Variants in DNAH9 observed in about 807,000 individuals in gnomAD.
DNAH9 encodes dynein axonemal heavy chain 9, also known as DNAH9 variant protein.
Under a neutral mutation model 471.6 loss-of-function variants are expected in DNAH9, and 345 were observed. The ratio of observed to expected loss-of-function variants is 0.73; its 90% confidence interval spans 0.67 to 0.80. DNAH9 has a LOEUF of 0.80. Among genes scored for constraint, DNAH9 ranks in the 30% least tolerant of loss-of-function variants. DNAH9 has a pLI of 0.00. For missense variants in DNAH9, 5,407 were observed against 5,609.2 expected (o/e 0.96, Z 1.15); for synonymous variants, 2,093 against 2,123.6 (o/e 0.99, Z 0.40).
chr17:11,865,746 C>T (rs1316694541), intron 50 of DNAH9, among the ~76,000 whole-genome samples: 2 of 152,112 alleles, frequency 1.3e-5, no homozygotes, highest in East Asian at 3.9e-4. Context: ...TCTAAACTTC[C>T]GTTCTCACTT....
chr17:11,932,188 C>A lies in DNAH9; in HGVS notation c.12280C>A (p.Leu4094Met). ...CTCTGTGAATGTCCTCTACAACTTC[C>A]TGGAGGCCAACGCAAAGGTAAAGGC... ...TISVNVLYNF[L>M]EANAKVPYDD... Residue 4094 changes from leucine (L) to methionine (M), a missense_variant, in exon 64 of 69, where the codon CTG becomes ATG. This residue lies in a region of DNAH9 where 4,636 missense variants were observed against 4,900.3 expected (regional missense o/e 0.95). Coordinates refer to ENST00000262442, the MANE Select transcript of DNAH9 (RefSeq NM_001372.4). This position sits in a 1 kb window ranked among gnomAD's most constrained non-coding sequence, Gnocchi z 4.3. The A allele has an allele frequency of 6.2e-7, 1 of 1,613,998 alleles. No individual in the cohort carries two copies. The highest frequency in any genetic ancestry group is 8.5e-7 in the Non-Finnish European group (1 of 1,179,966).
intron 6 of DNAH9, among the ~76,000 whole-genome samples, chr17:11,620,471 C>A (rs11655265): frequency 1.8e-4 from 25 of 137,018 alleles, no homozygotes; most frequent in Non-Finnish European, 3.3e-4. Context: ...ACGATCACAC[C>A]ATTGCACTCC....
At chr17:11,940,043 G>A (rs141500565) in intron 66 of DNAH9, among the ~76,000 whole-genome samples, 1 of 152,260 alleles carries the variant, frequency 6.6e-6, no homozygotes, top group African/African-American at 2.4e-5. Flanking sequence ...CCCACAGGGG[G>A]AAGAGTTAAG....
At position 11,932,725 on chromosome 17, in the gene DNAH9, C is replaced by T. The variant is rs1951855835; in HGVS notation, c.12297+520C>T. On this transcript the variant is annotated intron_variant, in intron 64 of 68. Transcript: ENST00000262442. This position sits in a 1 kb window ranked among gnomAD's most constrained non-coding sequence, Gnocchi z 4.3. ...AACTGTGAGGTGAGAGCCATGGACG[C>T]TCAGGAAGTCTAACTAGAGACTCAC... 1.3e-5 allele frequency among the ~76,000 whole-genome samples: 2 copies of T among 152,134 alleles called. No individual in the cohort carries two copies. Among genetic ancestry groups the T allele is most frequent in the South Asian group, 4.1e-4 (2 of 4,830 alleles).
intron 50 of DNAH9, among the ~76,000 whole-genome samples, chr17:11,862,006 G>A (rs1057039311): frequency 3.3e-5 from 5 of 150,856 alleles, no homozygotes; most frequent in Admixed American, 1.3e-4. Context: ...CTTTTGCTGT[G>A]CAGAAGCTCT....
At chr17:11,701,085 T>C (rs1216881100) in intron 23 of DNAH9, 37 bp from the exon 24 acceptor site, 1 of 1,613,074 alleles carries the variant, frequency 6.2e-7, no homozygotes, top group Non-Finnish European at 8.5e-7. Flanking sequence ...CCAAAACTTC[T>C]CAGGCACCCA....
intron 43 of DNAH9, 51 bp downstream of exon 43, chr17:11,797,844 G>T: frequency 1.9e-6 from 3 of 1,563,584 alleles, no homozygotes; most frequent in Non-Finnish European, 2.6e-6. Flanking sequence ...TCTTCCCAAT[G>T]ACAGGGGTCT....
chr17:11,942,729 T>C (rs1974969999), intron 67 of DNAH9, among the ~76,000 whole-genome samples: 2 of 152,274 alleles, frequency 1.3e-5, no homozygotes, highest in South Asian at 2.1e-4. Context: ...CAATTTCTAC[T>C]ACCAGTTACT....
intron 52 of DNAH9, 149 bp downstream of exon 52, chr17:11,871,935 G>C (rs1345152631): frequency 1.2e-6 from 1 of 837,738 alleles, no homozygotes; most frequent in Non-Finnish European, 1.8e-6. Flanking sequence ...GCGTACCCGT[G>C]TCCTTCCACA....
chr17:11,744,719 T>C, intron 30 of DNAH9, 78 bp from the exon 31 acceptor site: 1 of 1,235,392 alleles, frequency 8.1e-7, no homozygotes, highest in Non-Finnish European at 1.2e-6. Flanking sequence ...GCTCATAGCA[T>C]ATCTATGATT....
chr17:11,692,739 C>T (rs1325198043), intron 20 of DNAH9, among the ~76,000 whole-genome samples: 1 of 151,746 alleles, frequency 6.6e-6, no homozygotes, highest in East Asian at 1.9e-4. Flanking sequence ...GGTCAGATGA[C>T]ATGTGATATC....
At chr17:11,605,291 C>T (rs368719345) in intron 1 of DNAH9, among the ~76,000 whole-genome samples, 18 of 152,284 alleles carry the variant, frequency 1.2e-4, no homozygotes, top group African/African-American at 4.3e-4. Flanking sequence ...CCTTCACATG[C>T]TTTATCTTTA....
At chr17:11,716,334 G>A (rs1010595310) in intron 26 of DNAH9, among the ~76,000 whole-genome samples, 3 of 152,012 alleles carry the variant, frequency 2.0e-5, no homozygotes, top group Non-Finnish European at 4.4e-5. Context: ...CCCTGCCTCG[G>A]CCTCCCAAAG....
chr17:11,860,194 TAC>T (rs1162517922), intron 50 of DNAH9, among the ~76,000 whole-genome samples: 4 of 152,226 alleles, frequency 2.6e-5, no homozygotes, highest in Admixed American at 6.5e-5. Context: ...TCTCTTGTTT[TAC>T]ACAGTCTCTT....
chr17:11,796,855 C>T lies in DNAH9; in HGVS notation c.8224-742C>T, dbSNP rs573363773. On this transcript the variant is annotated intron_variant, in intron 42 of 68. Coordinates refer to ENST00000262442, the MANE Select transcript of DNAH9 (RefSeq NM_001372.4). ...ATGAAAGTTAAAAAATTGGTCTTCT[C>T]TTCAGTACTTAGAGATATATTGGTG... Among the ~76,000 whole-genome samples, 8 of 152,294 alleles carry T rather than the reference C, an allele frequency of 5.3e-5. 1 individual carries two copies. The highest frequency in any genetic ancestry group is 2.1e-4 in the South Asian group (1 of 4,834).
At chr17:11,600,235 G>T (rs1025151383) in intron 1 of DNAH9, among the ~76,000 whole-genome samples, 2 of 152,208 alleles carry the variant, frequency 1.3e-5, no homozygotes, top group African/African-American at 2.4e-5. Context: ...GAATGTTGAC[G>T]ATAGAAAGTA....
chr17:11,691,891 C>A (rs1371492120), intron 20 of DNAH9, among the ~76,000 whole-genome samples: 1 of 152,094 alleles, frequency 6.6e-6, no homozygotes, highest in Non-Finnish European at 1.5e-5. Flanking sequence ...GCAACCTCTG[C>A]CTCCTGGGTT....
chr17:11,852,624 A>T (rs796162802), intron 49 of DNAH9, among the ~76,000 whole-genome samples: 2 of 151,906 alleles, frequency 1.3e-5, no homozygotes, highest in African/African-American at 4.8e-5. Flanking sequence ...CCACAACAGG[A>T]AACACATTCA....
chr17:11,941,603 G>GTTTA (rs1445552849), intron 66 of DNAH9, among the ~76,000 whole-genome samples: 1 of 152,102 alleles, frequency 6.6e-6, no homozygotes, highest in African/African-American at 2.4e-5. Flanking sequence ...ACAACAGGAG[G>GTTTA]TTTACATGAT....
Sources: gnomAD v4.1 joint callset for allele counts (sites outside exome capture counted in the v4.1 genomes callset) on GRCh38, gnomAD v4.1.1 for gene constraint, gnomAD v4.1.1 regional missense constraint, Gnocchi (gnomAD v3.1) non-coding constraint, MANE v1.5 for transcripts, NCBI Gene and HGNC (gene_info 2026-07-23, HGNC 2026-07-21) for gene names.